HAS3: variants seen among roughly 807,000 people sequenced by gnomAD.
The protein encoded by HAS3 is hyaluronan synthase 3.
A neutral mutation model predicts 50.3 loss-of-function variants in HAS3; 27 were observed. That is an observed-to-expected ratio of 0.54 (90% CI 0.40 to 0.74). The LOEUF is 0.74. Among genes scored for constraint, HAS3 ranks in the 30% least tolerant of loss-of-function variants. The pLI, the probability that HAS3 is intolerant of heterozygous loss-of-function variation, is 0.00. For missense variants in HAS3, 517 were observed against 742.8 expected (o/e 0.70, Z 3.53); for synonymous variants, 339 against 310.9 (o/e 1.09, Z -0.95).
Position 69,107,929 on chromosome 16 carries a change from G to T in HAS3, c.1-1467G>T, listed in dbSNP as rs982365318. Among the ~76,000 whole-genome samples the T allele has an allele frequency of 6.6e-6, 1 of 152,258 alleles. No individual in the cohort carries two copies. ...CCAACGCTGCTGGAAGGCTGCTAGT[G>T]CCGGAGTCTCAGGTCGATTTAGGCA... On this transcript the variant is annotated intron_variant, in intron 1 of 3. Coordinates refer to ENST00000569188, the MANE Select transcript of HAS3 (RefSeq NM_001199280.2). The surrounding 1 kb of genome is among the most constrained non-coding windows in gnomAD (Gnocchi z 5.5).
At chr16:69,099,553 C>T in the HAS3 span, among the ~76,000 whole-genome samples, 1 of 151,658 alleles carries the variant, frequency 6.6e-6, no homozygotes, top group East Asian at 1.9e-4. Flanking sequence ...ATCTCGATCT[C>T]CTGACCTCAT....
At position 69,109,352 on chromosome 16, in the gene HAS3, G is replaced by C. The variant is rs754803859; in HGVS notation, c.1-44G>C. 2.5e-5 allele frequency: 39 copies of C among 1,557,428 alleles called. No homozygotes were observed. In the Admixed American group the frequency reaches 6.7e-4, roughly 27 times the overall value. On this transcript the variant is annotated intron_variant, in intron 1 of 3. Coordinates refer to ENST00000569188, the MANE Select transcript of HAS3 (RefSeq NM_001199280.2). The surrounding 1 kb of genome is among the most constrained non-coding windows in gnomAD (Gnocchi z 5.3). Reference sequence around the variant, plus strand: ...ACCCATGCTCCCACGGACTGGAAATGCTGCCTCCTGCCTGACCCTTCATCT... The same window carrying C: ...ACCCATGCTCCCACGGACTGGAAATCCTGCCTCCTGCCTGACCCTTCATCT...
downstream of HAS3, chr16:69,117,984 G>T: frequency 3.9e-6 from 1 of 257,746 alleles, no homozygotes; most frequent in Admixed American, 4.9e-5. Flanking sequence ...CTATGAAACA[G>T]GTAACAAAAC....
At chr16:69,087,136 C>G in the HAS3 span, among the ~76,000 whole-genome samples, 1 of 152,134 alleles carries the variant, frequency 6.6e-6, no homozygotes, top group Non-Finnish European at 1.5e-5. Context: ...CAGCCTTTCT[C>G]CTAGATTCCT....
the HAS3 span, among the ~76,000 whole-genome samples, chr16:69,089,885 C>G: frequency 6.6e-6 from 1 of 152,184 alleles, no homozygotes; most frequent in Non-Finnish European, 1.5e-5. Context: ...GTTGCAAGAT[C>G]AGTGTTTGCA....
At chr16:69,112,316 G>C (rs1261513489) in intron 2 of HAS3, among the ~76,000 whole-genome samples, 2 of 152,188 alleles carry the variant, frequency 1.3e-5, no homozygotes, top group African/African-American at 2.4e-5. Context: ...TCCCAGGCAT[G>C]GACCAGGATG....
Position 69,106,311 on chromosome 16 carries a change from G to A in HAS3, c.-1+524G>A, listed in dbSNP as rs900676912. ...TGAGCTCCGGAGCGCGGCAGCCGGCGGCACGGTGAGCGCGGGCCGGCCGGC... is the reference window on the plus strand; with the variant it reads ...TGAGCTCCGGAGCGCGGCAGCCGGCAGCACGGTGAGCGCGGGCCGGCCGGC... On this transcript the variant is annotated intron_variant, in intron 1 of 3. Coordinates refer to ENST00000569188, the MANE Select transcript of HAS3 (RefSeq NM_001199280.2). This position sits in a 1 kb window ranked among gnomAD's most constrained non-coding sequence, Gnocchi z 5.5. 1 of 148,746 alleles carries A rather than the reference G, an allele frequency of 6.7e-6. No individual in the cohort carries two copies. Among genetic ancestry groups the A allele is most frequent in the Non-Finnish European group, 1.5e-5 (1 of 66,842 alleles). 9.2% of individuals were successfully genotyped at this position (148,746 alleles called of 1,614,324 possible). A position where few individuals can be genotyped will look rare whatever the true frequency, so the allele number is the denominator to read the frequency against.
rs991426326 is a variant in HAS3, at chr16:69,116,617, C to G, written c.*1351C>G. The G allele has an allele frequency of 1.1e-5, 11 of 985,502 alleles. No individual in the cohort carries two copies. Among genetic ancestry groups the G allele is most frequent in the Non-Finnish European group, 1.3e-5 (11 of 829,878 alleles). 61.0% of individuals were successfully genotyped at this position (985,502 alleles called of 1,614,324 possible). A position where few individuals can be genotyped will look rare whatever the true frequency, so the allele number is the denominator to read the frequency against. On this transcript the variant is annotated 3_prime_UTR_variant, in exon 4 of 4. Coordinates refer to ENST00000569188, the MANE Select transcript of HAS3 (RefSeq NM_001199280.2). ...TGCCTGCTTCTTTCCAGAAACCAAA[C>G]TAGGAGATGAAACTGGTTCCTACAT...
At chr16:69,089,575 T>A in the HAS3 span, among the ~76,000 whole-genome samples, 1 of 152,226 alleles carries the variant, frequency 6.6e-6, no homozygotes, top group Non-Finnish European at 1.5e-5. Context: ...TGCTCCACTC[T>A]GTTGGAACTG....
At chr16:69,103,777 G>A (rs550140118), upstream of HAS3, among the ~76,000 whole-genome samples, 13 of 152,280 alleles carry the variant, frequency 8.5e-5, no homozygotes, top group South Asian at 4.1e-4. Flanking sequence ...TGTAGAACCC[G>A]TGGCATGGGC....
rs1960861802 is a variant in HAS3, at chr16:69,107,886, C to G, written c.1-1510C>G. 6.6e-6 allele frequency among the ~76,000 whole-genome samples: 1 copy of G among 152,250 alleles called. No homozygotes were observed. Among genetic ancestry groups the G allele is most frequent in the Non-Finnish European group, 1.5e-5 (1 of 68,038 alleles). ...CGCGCTTCCCGGAGAGGCTAGGCTG[C>G]CAGCAGCTCTTTTCGGGCCAACGCT... On this transcript the variant is annotated intron_variant, in intron 1 of 3. Coordinates refer to ENST00000569188, the MANE Select transcript of HAS3 (RefSeq NM_001199280.2). This position sits in a 1 kb window ranked among gnomAD's most constrained non-coding sequence, Gnocchi z 5.5.
At chr16:69,086,117 C>T in the HAS3 span, among the ~76,000 whole-genome samples, 1 of 151,670 alleles carries the variant, frequency 6.6e-6, no homozygotes, top group African/African-American at 2.4e-5. Flanking sequence ...ATCCTCCTTA[C>T]TCGGTTTCCT....
At chr16:69,091,523 C>G in the HAS3 span, among the ~76,000 whole-genome samples, 1 of 152,088 alleles carries the variant, frequency 6.6e-6, no homozygotes, top group Non-Finnish European at 1.5e-5. Context: ...CATTCCCCCA[C>G]CCTCAGCTGA....
intron 2 of HAS3, among the ~76,000 whole-genome samples, chr16:69,111,342 G>A (rs1207133538): frequency 6.6e-6 from 1 of 151,932 alleles, no homozygotes; most frequent in Non-Finnish European, 1.5e-5. Context: ...AAAGTGCTAG[G>A]ATTACAGGCG....
At chr16:69,111,157 ATTT>A (rs71148963) in intron 2 of HAS3, among the ~76,000 whole-genome samples, 275 of 62,218 alleles carry the variant, frequency 4.4e-3, no homozygotes, top group African/African-American at 0.017. Context: ...CTAGGCCAGG[ATTT>A]TTTTTTTTTT....
chr16:69,118,296 A>G (rs1961317165), downstream of HAS3: 1 of 1,102,560 alleles, frequency 9.1e-7, no homozygotes, highest in Non-Finnish European at 1.4e-6. Context: ...TCAAGCAGAA[A>G]CTGCATTCGG....
At chr16:69,091,097 A>G in the HAS3 span, among the ~76,000 whole-genome samples, 1 of 152,208 alleles carries the variant, frequency 6.6e-6, no homozygotes, top group African/African-American at 2.4e-5. Flanking sequence ...CAAAGAAAGA[A>G]AAATTCCCAC....
intron 1 of HAS3, among the ~76,000 whole-genome samples, chr16:69,108,360 A>G (rs1276367945): frequency 6.6e-6 from 1 of 152,250 alleles, no homozygotes; most frequent in African/African-American, 2.4e-5. Flanking sequence ...ACCAAGTCTC[A>G]GAGAACTGGG....
Position 69,106,094 on chromosome 16 carries a change from G to A in HAS3, c.-1+307G>A, listed in dbSNP as rs1223299061. On this transcript the variant is annotated intron_variant, in intron 1 of 3. Coordinates refer to ENST00000569188, the MANE Select transcript of HAS3 (RefSeq NM_001199280.2). The surrounding 1 kb of genome is among the most constrained non-coding windows in gnomAD (Gnocchi z 5.5). ...CTTGTGGCGCTCCCTGGGACCGCGC[G>A]GGGTCGGGGGTGCGCCCGCGGGGGC... is the stretch of plus-strand genomic sequence containing the variant. Among the ~76,000 whole-genome samples, 4 of 152,096 alleles carry A rather than the reference G, an allele frequency of 2.6e-5. No individual in the cohort carries two copies. The highest frequency in any genetic ancestry group is 6.5e-5 in the Admixed American group (1 of 15,280).
Sources: gnomAD v4.1 joint callset for allele counts (sites outside exome capture counted in the v4.1 genomes callset) on GRCh38, gnomAD v4.1.1 for gene constraint, Gnocchi (gnomAD v3.1) non-coding constraint, MANE v1.5 for transcripts, NCBI Gene and HGNC (gene_info 2026-07-23, HGNC 2026-07-21) for gene names.